ABCC4: variants seen among roughly 807,000 people sequenced by gnomAD.
ABCC4 encodes the protein ATP binding cassette subfamily C member 4 (PEL blood group), also known as ATP-binding cassette sub-family C member 4.
A neutral mutation model predicts 168.5 loss-of-function variants in ABCC4; 102 were observed. The ratio of observed to expected loss-of-function variants is 0.61; its 90% CI spans 0.52 to 0.71. ABCC4 has a LOEUF of 0.71. Among genes scored for constraint, ABCC4 ranks in the 30% least tolerant of loss-of-function variants. The pLI is 0.00. For missense variants in ABCC4, 1,402 were observed against 1,605.8 expected (o/e 0.87, Z 2.17); for synonymous variants, 617 against 590.7 (o/e 1.04, Z -0.65).
intron 1 of ABCC4, among the ~76,000 whole-genome samples, chr13:95,299,290 T>C (rs1013255519): frequency 1.4e-5 from 2 of 144,382 alleles, no homozygotes; most frequent in Non-Finnish European, 1.5e-5. Flanking sequence ...AAAAAGTTCC[T>C]TGCCCTGCCT....
At chr13:95,189,018 T>C (rs2038162408) in intron 9 of ABCC4, among the ~76,000 whole-genome samples, 1 of 152,114 alleles carries the variant, frequency 6.6e-6, no homozygotes, top group Non-Finnish European at 1.5e-5. Flanking sequence ...ATGCATTATG[T>C]ATTTGTCCTA....
At chr13:95,086,259 G>A (rs1026928957) in intron 20 of ABCC4, among the ~76,000 whole-genome samples, 1 of 152,028 alleles carries the variant, frequency 6.6e-6, no homozygotes, top group Non-Finnish European at 1.5e-5. Flanking sequence ...AACACATATT[G>A]ATTTAAGAAT....
chr13:95,033,088 G>A (rs1371315579), intron 30 of ABCC4, among the ~76,000 whole-genome samples: 1 of 151,002 alleles, frequency 6.6e-6, no homozygotes, highest in African/African-American at 2.4e-5. Flanking sequence ...TCCTGCCTCA[G>A]TCTCCCGAGT....
chr13:95,272,667 C>G (rs1033607285), intron 1 of ABCC4, among the ~76,000 whole-genome samples: 1 of 152,090 alleles, frequency 6.6e-6, no homozygotes. Context: ...GCAGGTGGAT[C>G]ACCTGAGGTC....
At chr13:95,114,558 A>T (rs927573487) in intron 20 of ABCC4, among the ~76,000 whole-genome samples, 1 of 152,196 alleles carries the variant, frequency 6.6e-6, no homozygotes, top group East Asian at 1.9e-4. Flanking sequence ...GGCACATTTT[A>T]AAAATGTTTG....
chr13:95,025,129 G>C (rs73555527), intron 30 of ABCC4, among the ~76,000 whole-genome samples: 9,271 of 150,686 alleles, frequency 0.062, 952 homozygotes, highest in African/African-American at 0.22. Flanking sequence ...GTAAGCTAAG[G>C]AGGAAGAAAG....
chr13:95,113,211 TCAA>T (rs534526191), intron 20 of ABCC4, among the ~76,000 whole-genome samples: 29 of 152,260 alleles, frequency 1.9e-4, no homozygotes, highest in African/African-American at 5.8e-4. Context: ...CCCTAAAAGA[TCAA>T]CGACTTTAAG....
At chr13:95,174,804 A>C (rs924728996) in intron 13 of ABCC4, among the ~76,000 whole-genome samples, 1 of 152,234 alleles carries the variant, frequency 6.6e-6, no homozygotes, top group Non-Finnish European at 1.5e-5. Flanking sequence ...TCAAGGCACA[A>C]TGAGGAGGGA....
At chr13:95,036,910 C>T (rs2032145577) in intron 29 of ABCC4, among the ~76,000 whole-genome samples, 1 of 151,740 alleles carries the variant, frequency 6.6e-6, no homozygotes, top group African/African-American at 2.4e-5. Flanking sequence ...ATGACAAAAC[C>T]CCACCTTTAC....
intron 8 of ABCC4, among the ~76,000 whole-genome samples, chr13:95,203,336 CT>C (rs35053264): frequency 0.51 from 65,066 of 126,402 alleles, 15,272 homozygotes; most frequent in South Asian, 0.55. Context: ...TCAGGAGGCT[CT>C]TTTTTTTTTT....
At chr13:95,068,295 T>A (rs1182465875) in intron 25 of ABCC4, among the ~76,000 whole-genome samples, 1 of 152,152 alleles carries the variant, frequency 6.6e-6, no homozygotes, top group African/African-American at 2.4e-5. Flanking sequence ...CAAATGAAGC[T>A]AAAGGTGACA....
At chr13:95,296,195 A>G (rs1312147128) in intron 1 of ABCC4, among the ~76,000 whole-genome samples, 1 of 147,470 alleles carries the variant, frequency 6.8e-6, no homozygotes, top group Non-Finnish European at 1.5e-5. Flanking sequence ...AAAACACAAA[A>G]TTAAATGGCC....
rs1325865446 is a variant in ABCC4 at position 95,025,307 on chromosome 13, AC to A, written c.3871-3626del. ...CCCCCACACACACCCACATACGCCC[AC>A]CCCCCACACACACCCACACCCACAC... On this transcript the variant is annotated intron_variant, in intron 30 of 30. Coordinates refer to ENST00000645237, the MANE Select transcript of ABCC4 (RefSeq NM_005845.5). Among the ~76,000 whole-genome samples, 9 of 7,626 alleles carry A rather than the reference AC, an allele frequency of 1.2e-3. No homozygotes were observed. In the East Asian group the frequency reaches 0.017, roughly 15 times the overall value. The allele number at this position is 7,626 out of a possible 152,430, so 5.0% of individuals were successfully genotyped here. A position where few individuals can be genotyped will look rare whatever the true frequency, so the allele number is the denominator to read the frequency against.
At chr13:95,025,222 C>CCCAT (rs2031379227) in intron 30 of ABCC4, among the ~76,000 whole-genome samples, 1 of 61,842 alleles carries the variant, frequency 1.6e-5, no homozygotes, top group Non-Finnish European at 3.2e-5. Flanking sequence ...CCCACACACC[C>CCCAT]CCACACACAC....
intron 20 of ABCC4, among the ~76,000 whole-genome samples, chr13:95,083,600 C>G (rs2139334205): frequency 6.6e-6 from 1 of 150,842 alleles, no homozygotes; most frequent in East Asian, 1.9e-4. Flanking sequence ...CATCTCCTCT[C>G]ACTGCAGCCT....
Position 95,250,753 on chromosome 13 carries a change from GTTTCTT to G in ABCC4, c.75-3006_75-3001del, listed in dbSNP as rs1210673604. ...AGGATTTGAGAAGTTCTGAATACTG[GTTTCTT>G]TTTTTTTTTTTTTTTTTTTTTTTGA... On this transcript the variant is annotated intron_variant, in intron 1 of 30. Transcript: ENST00000645237. Among the ~76,000 whole-genome samples, 3 of 114,258 alleles carry G rather than the reference GTTTCTT, an allele frequency of 2.6e-5. No homozygotes were observed. In the East Asian group the frequency reaches 8.8e-4, roughly 34 times the overall value. The allele number at this position is 114,258 out of a possible 152,430, so 75.0% of individuals were successfully genotyped here.
At chr13:95,244,633 G>GAAAGAAAGAA (rs2040046859) in intron 3 of ABCC4, among the ~76,000 whole-genome samples, 3 of 79,068 alleles carry the variant, frequency 3.8e-5, no homozygotes, top group African/African-American at 1.2e-4. Flanking sequence ...AAGAAAGAAA[G>GAAAGAAAGAA]AAAGAAAGAA....
Position 95,234,927 on chromosome 13 carries a change from G to T in ABCC4, c.307-93C>A, listed in dbSNP as rs891994528. The T allele has an allele frequency of 3.7e-5, 35 of 935,792 alleles. No individual in the cohort carries two copies. In the South Asian group the frequency reaches 5.1e-4, roughly 14 times the overall value. 58.0% of individuals were successfully genotyped at this position (935,792 alleles called of 1,614,324 possible). On this transcript the variant is annotated intron_variant, in intron 3 of 30. Coordinates refer to ENST00000645237, the MANE Select transcript of ABCC4 (RefSeq NM_005845.5). The stretch of plus-strand genomic sequence containing the variant: ...TCTTTTTTCAGATATTGCTTGCTCT[G>T]TCACCCATGCTGGAGTATAGTGGCA...
At chr13:95,028,567 A>G (rs1814336745) in intron 30 of ABCC4, among the ~76,000 whole-genome samples, 1 of 152,204 alleles carries the variant, frequency 6.6e-6, no homozygotes, top group African/African-American at 2.4e-5. Context: ...TAAAAAATAA[A>G]CTATGAGTGA....
Sources: allele counts gnomAD v4.1 joint callset (sites outside exome capture counted in the v4.1 genomes callset), GRCh38; gene constraint gnomAD v4.1.1; transcripts MANE v1.5; gene names NCBI Gene and HGNC (gene_info 2026-07-23, HGNC 2026-07-21).